GAB1: variants seen among roughly 807,000 people sequenced by gnomAD.
GAB1 encodes the protein GRB2 associated binding protein 1.
GAB1 carries 19 observed loss-of-function variants against 66.5 expected under a neutral mutation model. That is an observed-to-expected ratio of 0.29 (90% CI 0.20 to 0.42). GAB1 has a LOEUF of 0.42. Ranked by LOEUF, GAB1 falls within the 10% of genes least tolerant of loss-of-function variation. GAB1 has a pLI of 1.00. For missense variants in GAB1, 732 were observed against 858.5 expected, an observed-to-expected ratio of 0.85 and a Z score of 1.84; for synonymous variants, 294 against 301.4, an observed-to-expected ratio of 0.98 and a Z score of 0.25.
chr4:143,444,100 C>G (rs1345660670), intron 6 of GAB1, among the ~76,000 whole-genome samples: 1 of 152,146 alleles, frequency 6.6e-6, no homozygotes, highest in Admixed American at 6.5e-5. Flanking sequence ...ATTTTGACCT[C>G]TTCAATTGAA....
chr4:143,394,287 C>CA (rs936765108), intron 1 of GAB1, among the ~76,000 whole-genome samples: 3 of 150,674 alleles, frequency 2.0e-5, no homozygotes, highest in East Asian at 3.9e-4. Context: ...CAAAACAAAA[C>CA]AAAAAAAAGG....
In GAB1 at chr4:143,468,362, G is replaced by A. The variant is rs556356115; in HGVS notation, c.1927-669G>A. 1.7e-3 allele frequency among the ~76,000 whole-genome samples: 254 copies of A among 151,192 alleles called. 3 individuals are homozygous for A. Among genetic ancestry groups the A allele is most frequent in the Non-Finnish European group, 3.4e-4 (23 of 67,766 alleles). On this transcript the variant is annotated intron_variant, in intron 9 of 9. Transcript: ENST00000262994. The stretch of plus-strand genomic sequence containing the variant: ...CCCAAGTAGCTGGGATTACAGGCGC[G>A]TGCCACCATGTCAGGCTAATTTTTG...
chr4:143,453,536 T>A (rs1003010759), intron 6 of GAB1, among the ~76,000 whole-genome samples: 1 of 152,180 alleles, frequency 6.6e-6, no homozygotes, highest in Non-Finnish European at 1.5e-5. Context: ...ATTTTATATA[T>A]GTTTTCACTG....
chr4:143,467,060 T>A (rs1017861248), intron 9 of GAB1, among the ~76,000 whole-genome samples: 4 of 152,202 alleles, frequency 2.6e-5, no homozygotes, highest in African/African-American at 9.6e-5. Flanking sequence ...TAGAAGTGCC[T>A]TTAGTGGAGG....
intron 6 of GAB1, 118 bp from the exon 7 acceptor site, chr4:143,459,267 C>A: frequency 1.5e-6 from 1 of 672,358 alleles, no homozygotes. Flanking sequence ...ACATGTGAAA[C>A]TAGGTGGTCT....
At chr4:143,427,535 TA>T (rs797018263) in intron 2 of GAB1, among the ~76,000 whole-genome samples, 88 of 144,222 alleles carry the variant, frequency 6.1e-4, no homozygotes, top group Middle Eastern at 3.5e-3. Context: ...GCCTGACTGG[TA>T]AAAAAAAAAA....
chr4:143,473,451 A>C lies in GAB1; in HGVS notation c.*4262A>C, dbSNP rs1736164914. 1 of 152,156 alleles carries C rather than the reference A, an allele frequency of 6.6e-6. No homozygotes were observed. Among genetic ancestry groups the C allele is most frequent in the Admixed American group, 6.6e-5 (1 of 15,262 alleles). 9.4% of individuals were successfully genotyped at this position (152,156 alleles called of 1,614,324 possible). A position where few individuals can be genotyped will look rare whatever the true frequency, so the allele number is the denominator to read the frequency against. The stretch of plus-strand genomic sequence containing the variant: ...AACTGTGCTTCCCAGTCCCACCTCT[A>C]TATGTCACTCATTTTCTGCAACAAA... On this transcript the variant is annotated 3_prime_UTR_variant, in exon 10 of 10. Transcript: ENST00000262994.
intron 2 of GAB1, among the ~76,000 whole-genome samples, chr4:143,417,733 A>G (rs1203757561): frequency 2.6e-5 from 4 of 152,154 alleles, no homozygotes; most frequent in African/African-American, 9.7e-5. Context: ...TAGCTGGCTG[A>G]CCACTTCTTC....
In GAB1 at chr4:143,433,673, C is replaced by T. The variant is rs998734646; in HGVS notation, c.550C>T (p.Leu184=). 3.7e-6 allele frequency: 6 copies of T among 1,614,006 alleles called. No homozygotes were observed. Among genetic ancestry groups the T allele is most frequent in the South Asian group, 1.1e-5 (1 of 91,084 alleles). The change falls in exon 3 of 10, where the codon CTG becomes TTG. Residue 184 remains leucine (L), a synonymous_variant. Coordinates refer to ENST00000262994, the MANE Select transcript of GAB1 (RefSeq NM_002039.4). The part of the protein sequence containing the change: ...LGIQEDPQDY[L]LLINCQSKKP... ...CATTCAGGAGGATCCTCAAGACTAC[C>T]TGTTGCTCATCAACTGTCAAAGCAA...
chr4:143,472,324 TATAGAA>T lies in GAB1; in HGVS notation c.*3139_*3144del, dbSNP rs1736117536. On this transcript the variant is annotated 3_prime_UTR_variant, in exon 10 of 10. Transcript: ENST00000262994. Reference sequence around the variant, plus strand: ...TAATCATAGACTAAATTTAATTTGATATAGAAATACTACTTTACTTGTACATTAAGG... The same window carrying T: ...TAATCATAGACTAAATTTAATTTGATATACTACTTTACTTGTACATTAAGG... 6.6e-6 allele frequency: 1 copy of T among 152,144 alleles called. No individual in the cohort carries two copies. Among genetic ancestry groups the T allele is most frequent in the African/African-American group, 2.4e-5 (1 of 41,444 alleles). 9.4% of individuals were successfully genotyped at this position (152,144 alleles called of 1,614,324 possible).
At chr4:143,387,988 C>T (rs28989230) in intron 1 of GAB1, among the ~76,000 whole-genome samples, 6,541 of 152,226 alleles carry the variant, frequency 0.043, 152 homozygotes, top group African/African-American at 0.053. Context: ...GGGACTATGG[C>T]TTAGCACATG....
intron 6 of GAB1, among the ~76,000 whole-genome samples, chr4:143,441,756 A>C (rs934547927): frequency 6.6e-6 from 1 of 152,150 alleles, no homozygotes; most frequent in Non-Finnish European, 1.5e-5. Flanking sequence ...CCTCTACTTA[A>C]ATGGATTCTG....
rs1022306965 is a variant in GAB1 at position 143,417,891 on chromosome 4, G to A, written c.367+2120G>A. ...TGTGGTTATACTCACATTTAGAAGC[G>A]TGCATTTCCGAACATCTACATTTAG... On this transcript the variant is annotated intron_variant, in intron 2 of 9. Coordinates refer to ENST00000262994, the MANE Select transcript of GAB1 (RefSeq NM_002039.4). Among the ~76,000 whole-genome samples, 7 of 152,234 alleles carry A rather than the reference G, an allele frequency of 4.6e-5. No individual in the cohort carries two copies. The East Asian group carries it at 7.7e-4, about 17-fold the overall frequency.
chr4:143,337,366 C>T, intron 1 of GAB1, 106 bp downstream of exon 1: 1 of 930,316 alleles, frequency 1.1e-6, no homozygotes. Context: ...GGTTCTTAAA[C>T]GAATGCCGGT....
intron 1 of GAB1, among the ~76,000 whole-genome samples, chr4:143,413,680 TC>T (rs551270308): frequency 7.0e-4 from 106 of 152,246 alleles, no homozygotes; most frequent in African/African-American, 2.2e-3. Context: ...AATATTTTTT[TC>T]CACAATTAGT....
chr4:143,414,474 G>T (rs1732571059), intron 1 of GAB1, among the ~76,000 whole-genome samples: 1 of 152,110 alleles, frequency 6.6e-6, no homozygotes, highest in Admixed American at 6.5e-5. Flanking sequence ...ATTACAGATT[G>T]CCCATGTATG....
chr4:143,384,113 C>G (rs573509094), intron 1 of GAB1, among the ~76,000 whole-genome samples: 1 of 152,072 alleles, frequency 6.6e-6, no homozygotes, highest in African/African-American at 2.4e-5. Flanking sequence ...AAAAAGTCCA[C>G]TTTGGTGATA....
intron 7 of GAB1, among the ~76,000 whole-genome samples, chr4:143,459,812 T>A (rs554250062): frequency 1.3e-5 from 2 of 152,298 alleles, no homozygotes; most frequent in African/African-American, 4.8e-5. Context: ...AATTAATAGA[T>A]ACAACTCATG....
At chr4:143,349,479 G>A in intron 1 of GAB1, 1 of 1,514,118 alleles carries the variant, frequency 6.6e-7, no homozygotes, top group South Asian at 1.1e-5. Flanking sequence ...TGCAGCCCTG[G>A]GCTGGGGTGT....
Sources: allele counts gnomAD v4.1 joint callset (sites outside exome capture counted in the v4.1 genomes callset), GRCh38; gene constraint gnomAD v4.1.1; transcripts MANE v1.5; gene names NCBI Gene and HGNC (gene_info 2026-07-23, HGNC 2026-07-21).